Variants in VSNL1 observed in about 807,000 individuals in gnomAD.
VSNL1 encodes the protein visinin-like protein 1.
A neutral mutation model predicts 20.4 loss-of-function variants in VSNL1; 6 were observed. The ratio of observed to expected loss-of-function variants is 0.29; its 90% CI spans 0.16 to 0.58. VSNL1 has a LOEUF of 0.58. Among genes scored for constraint, VSNL1 ranks in the 20% least tolerant of loss-of-function variants. VSNL1 has a pLI of 0.90. For synonymous variants in VSNL1, 93 were observed against 86.4 expected, an observed-to-expected ratio of 1.08 and a Z score of -0.42; for missense variants, 100 against 234.5, an observed-to-expected ratio of 0.43 and a Z score of 3.75.
chr2:17,649,271 C>A lies in VSNL1; in HGVS notation c.163-139C>A, dbSNP rs1666071049. ...CCCTAATGCCTGCCCTTGCCCTTGA[C>A]AGTCAGGCCAAACTGCTCTCCAATG... On this transcript the variant is annotated intron_variant, in intron 2 of 3. Coordinates refer to ENST00000295156, the MANE Select transcript of VSNL1 (RefSeq NM_003385.5). The surrounding 1 kb of genome is among the most constrained non-coding windows in gnomAD (Gnocchi z 6.4). 3.9e-6 allele frequency: 3 copies of A among 773,906 alleles called. No individual in the cohort carries two copies. In the Admixed American group the frequency reaches 6.5e-5, roughly 17 times the overall value. 47.9% of individuals were successfully genotyped at this position (773,906 alleles called of 1,614,324 possible).
intron 1 of VSNL1, among the ~76,000 whole-genome samples, chr2:17,575,771 G>T (rs544221035): frequency 6.6e-6 from 1 of 151,908 alleles, no homozygotes. Flanking sequence ...TCCTGACCTT[G>T]TGATCTGCCT....
At chr2:17,557,471 C>A (rs999280684) in intron 1 of VSNL1, among the ~76,000 whole-genome samples, 1 of 152,090 alleles carries the variant, frequency 6.6e-6, no homozygotes, top group Non-Finnish European at 1.5e-5. Context: ...GCACCACTTA[C>A]AATTAATTAA....
At chr2:17,588,244 T>C (rs1001686875) in intron 1 of VSNL1, among the ~76,000 whole-genome samples, 12 of 152,212 alleles carry the variant, frequency 7.9e-5, no homozygotes, top group African/African-American at 2.2e-4. Context: ...CCTGCATGTG[T>C]TGAGACAAGC....
intron 2 of VSNL1, among the ~76,000 whole-genome samples, chr2:17,633,609 T>G (rs892483937): frequency 1.3e-5 from 2 of 152,028 alleles, no homozygotes; most frequent in Non-Finnish European, 2.9e-5. Flanking sequence ...AGGAAATACT[T>G]ATTGAATATC....
At chr2:17,559,078 T>C (rs549166019) in intron 1 of VSNL1, among the ~76,000 whole-genome samples, 3 of 152,124 alleles carry the variant, frequency 2.0e-5, no homozygotes, top group East Asian at 3.9e-4. Flanking sequence ...GGCTTGCACC[T>C]CATGATCTAG....
chr2:17,615,143 A>G (rs1021319166), intron 2 of VSNL1, among the ~76,000 whole-genome samples: 1 of 152,202 alleles, frequency 6.6e-6, no homozygotes, highest in Non-Finnish European at 1.5e-5. Flanking sequence ...GCAAAACCCT[A>G]TATATTAATA....
At chr2:17,618,208 C>T (rs965110343) in intron 2 of VSNL1, among the ~76,000 whole-genome samples, 40 of 152,336 alleles carry the variant, frequency 2.6e-4, no homozygotes, top group African/African-American at 9.6e-4. Context: ...CTTAAAACAA[C>T]ACAAATGTAT....
chr2:17,576,939 T>C (rs2103361410), intron 1 of VSNL1, among the ~76,000 whole-genome samples: 1 of 152,356 alleles, frequency 6.6e-6, no homozygotes, highest in Admixed American at 6.5e-5. Context: ...CATGCATCAC[T>C]TAATGACAGA....
At chr2:17,633,348 C>CAAAA (rs10706048) in intron 2 of VSNL1, among the ~76,000 whole-genome samples, 2 of 50,536 alleles carry the variant, frequency 4.0e-5, no homozygotes, top group African/African-American at 7.0e-5. Flanking sequence ...ACTAAAAATA[C>CAAAA]AAAAAAAAAA....
Position 17,647,748 on chromosome 2 carries a change from T to G in VSNL1, c.163-1662T>G, listed in dbSNP as rs572609932. Reference sequence around the variant, plus strand: ...TTTGCCCTCTCCTCTGTTCTAGTTCTTATCAAGTAACATGACCAAGTCAAT... The same window carrying G: ...TTTGCCCTCTCCTCTGTTCTAGTTCGTATCAAGTAACATGACCAAGTCAAT... On this transcript the variant is annotated intron_variant, in intron 2 of 3. Transcript: ENST00000295156. 1.1e-4 allele frequency among the ~76,000 whole-genome samples: 16 copies of G among 152,272 alleles called. No individual in the cohort carries two copies. In the South Asian group the frequency reaches 3.3e-3, roughly 32 times the overall value.
At chr2:17,567,168 A>G (rs1041888118) in intron 1 of VSNL1, among the ~76,000 whole-genome samples, 5 of 152,140 alleles carry the variant, frequency 3.3e-5, no homozygotes, top group Admixed American at 2.6e-4. Flanking sequence ...GTTTATACTA[A>G]TGATAACAGA....
intron 1 of VSNL1, among the ~76,000 whole-genome samples, chr2:17,570,480 G>T (rs770751615): frequency 5.9e-5 from 9 of 152,112 alleles, no homozygotes; most frequent in Admixed American, 1.3e-4. Flanking sequence ...ATAGTATTTG[G>T]CATCAGGATT....
At chr2:17,648,413 T>C (rs1666045030) in intron 2 of VSNL1, among the ~76,000 whole-genome samples, 2 of 152,144 alleles carry the variant, frequency 1.3e-5, no homozygotes, top group African/African-American at 4.8e-5. Flanking sequence ...GCTCACCTGG[T>C]CCACTTAGCA....
intron 2 of VSNL1, among the ~76,000 whole-genome samples, chr2:17,637,087 GTTCC>G (rs1442903477): frequency 6.6e-6 from 1 of 152,236 alleles, no homozygotes; most frequent in East Asian, 1.9e-4. Flanking sequence ...TGGCTGTCCG[GTTCC>G]TTCCGGCCCC....
At chr2:17,586,557 A>G (rs1047985543) in intron 1 of VSNL1, among the ~76,000 whole-genome samples, 1 of 152,154 alleles carries the variant, frequency 6.6e-6, no homozygotes, top group African/African-American at 2.4e-5. Context: ...ATATTCCAAG[A>G]CTTGTAAATG....
chr2:17,564,060 G>A (rs1280310356), intron 1 of VSNL1, among the ~76,000 whole-genome samples: 1 of 152,154 alleles, frequency 6.6e-6, no homozygotes. Context: ...TTTAGGAAAT[G>A]TGTCAAGCAT....
At position 17,633,349 on chromosome 2, in the gene VSNL1, A is replaced by C. The variant is rs1165397373; in HGVS notation, c.163-16061A>C. Reference sequence around the variant, plus strand: ...ATCACCCCATCTTTACTAAAAATACAAAAAAAAAAAAAAAAAAAAAAAAGC... The same window carrying C: ...ATCACCCCATCTTTACTAAAAATACCAAAAAAAAAAAAAAAAAAAAAAAGC... On this transcript the variant is annotated intron_variant, in intron 2 of 3. Coordinates refer to ENST00000295156, the MANE Select transcript of VSNL1 (RefSeq NM_003385.5). Among the ~76,000 whole-genome samples, 7 of 1,040 alleles carry C rather than the reference A, an allele frequency of 6.7e-3. No individual in the cohort carries two copies. The East Asian group carries it at 0.13, about 20-fold the overall frequency. The allele number at this position is 1,040 out of a possible 152,430, so 0.7% of individuals were successfully genotyped here. A position where few individuals can be genotyped will look rare whatever the true frequency, so the allele number is the denominator to read the frequency against.
intron 1 of VSNL1, among the ~76,000 whole-genome samples, chr2:17,542,101 T>G (rs939132295): frequency 6.6e-6 from 1 of 152,226 alleles, no homozygotes; most frequent in Non-Finnish European, 1.5e-5. Flanking sequence ...CATATTAATA[T>G]TTATTTTAAT....
chr2:17,565,755 G>A (rs1663922386), intron 1 of VSNL1, among the ~76,000 whole-genome samples: 1 of 152,164 alleles, frequency 6.6e-6, no homozygotes, highest in African/African-American at 2.4e-5. Flanking sequence ...CAGCTGAGAT[G>A]GTTTGGCTGT....
Sources: allele counts gnomAD v4.1 joint callset (sites outside exome capture counted in the v4.1 genomes callset), GRCh38; gene constraint gnomAD v4.1.1; non-coding constraint Gnocchi (gnomAD v3.1); transcripts MANE v1.5; gene names NCBI Gene and HGNC (gene_info 2026-07-23, HGNC 2026-07-21).